The following RALGAPB variants were observed in gnomAD, a reference collection of about 807,000 sequenced individuals.
The protein encoded by RALGAPB is ral GTPase-activating protein subunit beta.
A neutral mutation model predicts 161.1 loss-of-function variants in RALGAPB; 25 were observed. That is an observed-to-expected ratio of 0.16 (90% confidence interval 0.11 to 0.22). The LOEUF is 0.22. Ranked by LOEUF, RALGAPB falls within the 10% of genes least tolerant of loss-of-function variation. The pLI is 1.00. For synonymous variants in RALGAPB, 629 were observed against 626.1 expected (o/e 1.00, Z -0.07); for missense variants, 1,391 against 1,815.2 (o/e 0.77, Z 4.25).
At chr20:38,498,365 A>G (rs2085487939) in intron 4 of RALGAPB, among the ~76,000 whole-genome samples, 1 of 152,200 alleles carries the variant, frequency 6.6e-6, no homozygotes, top group African/African-American at 2.4e-5. Context: ...ATCTAGTTCC[A>G]AGTTCTCTTG....
rs1194772596 is a variant in RALGAPB at position 38,539,776 on chromosome 20, G to T, written c.2380G>T (p.Val794Leu). 8 of 1,612,312 alleles carry T rather than the reference G, an allele frequency of 5.0e-6. No individual in the cohort carries two copies. Among genetic ancestry groups the T allele is most frequent in the African/African-American group, 1.3e-5 (1 of 74,860 alleles). ...ALELLSGLAKVKVMVDSGDRK... is the reference protein window; with the variant it reads ...ALELLSGLAKLKVMVDSGDRK... Reference sequence around the variant, plus strand: ...TTGTTCTCCAAATGAATATGCTCAGGTAAAAGTGATGGTTGACTCAGGAGA... The same window carrying T: ...TTGTTCTCCAAATGAATATGCTCAGTTAAAAGTGATGGTTGACTCAGGAGA... Residue 794 changes from valine (V) to leucine (L), a missense_variant and splice_region_variant, in exon 17 of 30, where the codon GTA becomes TTA. This residue lies in a region of RALGAPB where 946 missense variants were observed against 1,257.2 expected (regional missense o/e 0.75). Coordinates refer to ENST00000262879, the MANE Select transcript of RALGAPB (RefSeq NM_020336.4).
At chr20:38,534,107 C>T (rs1398485641) in intron 15 of RALGAPB, among the ~76,000 whole-genome samples, 3 of 148,724 alleles carry the variant, frequency 2.0e-5, no homozygotes, top group Admixed American at 6.7e-5. Context: ...CCACTGTACT[C>T]CAGCCTGGGC....
intron 15 of RALGAPB, among the ~76,000 whole-genome samples, chr20:38,533,919 A>G (rs1177731380): frequency 6.7e-6 from 1 of 150,116 alleles, no homozygotes; most frequent in East Asian, 2.0e-4. Context: ...TGGGCGGATC[A>G]CCTGAGGTCA....
chr20:38,571,863 A>C (rs1049756395), intron 28 of RALGAPB, among the ~76,000 whole-genome samples: 3 of 151,990 alleles, frequency 2.0e-5, no homozygotes, highest in Non-Finnish European at 4.4e-5. Context: ...TCTCGCCAAC[A>C]CTTGTTTTCT....
chr20:38,540,804 G>A (rs1316018026), intron 17 of RALGAPB, among the ~76,000 whole-genome samples: 1 of 151,898 alleles, frequency 6.6e-6, no homozygotes, highest in Non-Finnish European at 1.5e-5. Context: ...AAGTTGAATT[G>A]AATTTATTTA....
rs1210175078 is a variant in RALGAPB at position 38,576,149 on chromosome 20, G to A, written c.*1182G>A. On this transcript the variant is annotated 3_prime_UTR_variant, in exon 30 of 30. Coordinates refer to ENST00000262879, the MANE Select transcript of RALGAPB (RefSeq NM_020336.4). ...AGGGATAAAACTTTTGAGGTGGCCA[G>A]ACCCAGAACATCCAAGGATTCCTGT... The A allele has an allele frequency of 6.6e-6, 1 of 152,620 alleles. No homozygotes were observed. Among genetic ancestry groups the A allele is most frequent in the Admixed American group, 6.5e-5 (1 of 15,284 alleles). 9.5% of individuals were successfully genotyped at this position (152,620 alleles called of 1,614,324 possible).
At chr20:38,565,519 T>G (rs766858488) in intron 25 of RALGAPB, 41 bp downstream of exon 25, 7 of 1,602,694 alleles carry the variant, frequency 4.4e-6, no homozygotes, top group Non-Finnish European at 6.0e-6. Flanking sequence ...GGATCTATTT[T>G]TATATTCCTG....
intron 27 of RALGAPB, 67 bp from the exon 28 acceptor site, chr20:38,570,702 A>G: frequency 2.0e-6 from 2 of 1,019,486 alleles, no homozygotes; most frequent in Non-Finnish European, 3.1e-6. Context: ...TTAGAAAATT[A>G]GATTTCCTAT....
At chr20:38,513,280 G>T (rs560693654) in intron 6 of RALGAPB, among the ~76,000 whole-genome samples, 42 of 152,016 alleles carry the variant, frequency 2.8e-4, no homozygotes, top group African/African-American at 9.6e-4. Flanking sequence ...AAGGTGGGCG[G>T]ATCCCTTGAA....
At chr20:38,529,116 C>T (rs1174653167) in intron 13 of RALGAPB, among the ~76,000 whole-genome samples, 1 of 152,084 alleles carries the variant, frequency 6.6e-6, no homozygotes. Context: ...TTTTTGATTC[C>T]CTAAAAACTT....
In RALGAPB at chr20:38,521,922, G is replaced by C. The variant is rs79562816; in HGVS notation, c.1619+224G>C. 7.6e-3 allele frequency among the ~76,000 whole-genome samples: 1,162 copies of C among 152,266 alleles called. 20 individuals are homozygous for C. The highest frequency in any genetic ancestry group is 0.025 in the African/African-American group (1,058 of 41,540). On this transcript the variant is annotated intron_variant, in intron 10 of 29. Transcript: ENST00000262879. The stretch of plus-strand genomic sequence containing the variant: ...AAGTGCTATTTATGTCATCTTATTT[G>C]AATCTTTTTAATATGGAGAGATTTC...
chr20:38,525,832 G>C, intron 12 of RALGAPB, 63 bp from the exon 13 acceptor site: 1 of 1,530,308 alleles, frequency 6.5e-7, no homozygotes, highest in Admixed American at 1.8e-5. Flanking sequence ...CCATCTAGCT[G>C]TTCCCACATG....
At chr20:38,508,922 C>T (rs1330175429) in intron 5 of RALGAPB, among the ~76,000 whole-genome samples, 155 bp from the exon 6 acceptor site, 2 of 152,162 alleles carry the variant, frequency 1.3e-5, no homozygotes, top group Non-Finnish European at 2.9e-5. Flanking sequence ...AATCCTCTTT[C>T]AGTTTGTCTG....
chr20:38,533,913 C>T (rs993615092), intron 15 of RALGAPB, among the ~76,000 whole-genome samples: 8 of 149,628 alleles, frequency 5.3e-5, no homozygotes, highest in African/African-American at 1.5e-4. Flanking sequence ...CCAAGGTGGG[C>T]GGATCACCTG....
chr20:38,548,109 A>G (rs1296983016), intron 19 of RALGAPB: 1 of 152,198 alleles, frequency 6.6e-6, no homozygotes, highest in East Asian at 1.9e-4. Flanking sequence ...GGAAGAATAA[A>G]AAAAAGGATC....
intron 21 of RALGAPB, 111 bp downstream of exon 21, chr20:38,551,334 A>G (rs752650180): frequency 2.9e-5 from 35 of 1,216,904 alleles, no homozygotes; most frequent in Admixed American, 4.2e-5. Context: ...TTAAGATGAC[A>G]TGGGCCTCCA....
At chr20:38,574,072 T>C in intron 28 of RALGAPB, 78 bp from the exon 29 acceptor site, 2 of 1,420,184 alleles carry the variant, frequency 1.4e-6, no homozygotes, top group Admixed American at 4.4e-5. Context: ...TTAGGCTATA[T>C]GTGGGGGACT....
chr20:38,544,803 T>C (rs2087105883), intron 18 of RALGAPB, among the ~76,000 whole-genome samples: 2 of 152,212 alleles, frequency 1.3e-5, no homozygotes, highest in African/African-American at 4.8e-5. Flanking sequence ...TGATGATCTT[T>C]AAACTCTATA....
At chr20:38,541,423 A>G (rs2086960816) in intron 18 of RALGAPB, among the ~76,000 whole-genome samples, 1 of 152,012 alleles carries the variant, frequency 6.6e-6, no homozygotes, top group Non-Finnish European at 1.5e-5. Context: ...CTTTTTCTAT[A>G]CCGTTTGATG....
Sources: allele counts gnomAD v4.1 joint callset (sites outside exome capture counted in the v4.1 genomes callset), GRCh38; gene constraint gnomAD v4.1.1; regional missense constraint gnomAD v4.1.1; transcripts MANE v1.5; gene names NCBI Gene and HGNC (gene_info 2026-07-23, HGNC 2026-07-21).